The following CTIF variants were observed in gnomAD, a reference collection of about 807,000 sequenced individuals.
The protein encoded by CTIF is CBP80/20-dependent translation initiation factor.
CTIF carries 21 observed loss-of-function variants against 66.0 expected under a neutral mutation model. That is an observed-to-expected ratio of 0.32 (90% confidence interval 0.23 to 0.46). CTIF has a LOEUF of 0.46. CTIF is among the 20% of genes least tolerant of loss of function. The pLI is 1.00. For missense variants in CTIF, 739 were observed against 812.7 expected (o/e 0.91, Z 1.10); for synonymous variants, 345 against 326.4 (o/e 1.06, Z -0.62).
intron 7 of CTIF, among the ~76,000 whole-genome samples, chr18:48,716,096 G>A (rs889532473): frequency 1.3e-5 from 2 of 152,016 alleles, no homozygotes; most frequent in African/African-American, 2.4e-5. Context: ...GCAGTGCCCC[G>A]CTCCTGAATG....
chr18:48,853,501 TG>T lies in CTIF; in HGVS notation c.1528-4084del, dbSNP rs1484164243. 3.3e-5 allele frequency among the ~76,000 whole-genome samples: 5 copies of T among 152,310 alleles called. No individual in the cohort carries two copies. The East Asian group carries it at 9.7e-4, about 29-fold the overall frequency. On this transcript the variant is annotated intron_variant, in intron 10 of 11. Transcript: ENST00000256413. ...GTGCAGCCCATACTGTTCCCTCCCC[TG>T]GGTTGACCGTTGCTCTCCACCTGCT...
intron 10 of CTIF, among the ~76,000 whole-genome samples, chr18:48,856,621 C>T (rs903604102): frequency 2.7e-4 from 41 of 152,176 alleles, no homozygotes; most frequent in African/African-American, 9.9e-4. Flanking sequence ...CATGAATGAA[C>T]CCTGAAAACA....
intron 9 of CTIF, among the ~76,000 whole-genome samples, chr18:48,774,238 G>T (rs1435982255): frequency 1.3e-5 from 2 of 152,136 alleles, no homozygotes; most frequent in East Asian, 3.8e-4. Flanking sequence ...CCCTCTCTGG[G>T]CCCCTCTGTC....
intron 7 of CTIF, among the ~76,000 whole-genome samples, chr18:48,757,161 CATTA>C (rs1287252452): frequency 6.6e-6 from 1 of 152,086 alleles, no homozygotes; most frequent in Non-Finnish European, 1.5e-5. Flanking sequence ...GTTATAAGGC[CATTA>C]GTCAGTTCAG....
intron 1 of CTIF, among the ~76,000 whole-genome samples, chr18:48,591,610 T>C (rs777482265): frequency 1.7e-4 from 26 of 152,236 alleles, no homozygotes; most frequent in Non-Finnish European, 3.4e-4. Context: ...ATCATTGTGG[T>C]GCGCATTTCC....
intron 7 of CTIF, among the ~76,000 whole-genome samples, chr18:48,757,382 G>C (rs777074908): frequency 2.6e-5 from 4 of 151,158 alleles, no homozygotes; most frequent in Non-Finnish European, 5.9e-5. Flanking sequence ...GGGTGAAAAT[G>C]ACAATGTTCC....
intron 6 of CTIF, among the ~76,000 whole-genome samples, chr18:48,709,791 A>G (rs1168268966): frequency 6.6e-6 from 1 of 152,252 alleles, no homozygotes; most frequent in Non-Finnish European, 1.5e-5. Flanking sequence ...TGAGAAAACC[A>G]TTAAACAAAG....
chr18:48,667,539 T>G (rs141860626), intron 5 of CTIF, among the ~76,000 whole-genome samples: 36 of 152,230 alleles, frequency 2.4e-4, no homozygotes, highest in Non-Finnish European at 4.1e-4. Flanking sequence ...GGGGCCTGCA[T>G]GTTGAAGGCA....
intron 2 of CTIF, among the ~76,000 whole-genome samples, chr18:48,635,256 G>A (rs964904115): frequency 6.6e-6 from 1 of 151,406 alleles, no homozygotes; most frequent in African/African-American, 2.4e-5. Flanking sequence ...CTCTGACCAT[G>A]TCATCAAACA....
chr18:48,858,919 C>T (rs190216233), intron 11 of CTIF, among the ~76,000 whole-genome samples: 1 of 152,284 alleles, frequency 6.6e-6, no homozygotes, highest in Non-Finnish European at 1.5e-5. Flanking sequence ...TGACTAAGCT[C>T]ATTGCCAGAG....
chr18:48,757,151 G>A (rs555496230), intron 7 of CTIF, among the ~76,000 whole-genome samples: 1 of 152,238 alleles, frequency 6.6e-6, no homozygotes, highest in Admixed American at 6.5e-5. Flanking sequence ...GGTTCCTCTT[G>A]TTATAAGGCC....
Position 48,663,721 on chromosome 18 carries a change from A to G in CTIF, c.253-31A>G, listed in dbSNP as rs750889472. 2.5e-6 allele frequency: 4 copies of G among 1,603,352 alleles called. No individual in the cohort carries two copies. In the South Asian group the frequency reaches 4.4e-5, roughly 18 times the overall value. On this transcript the variant is annotated intron_variant, in intron 3 of 11. Transcript: ENST00000256413. ...TCTCAGCATCCTGGCCGAGCAATTAATGTCAGCCCTTTCACCCCCATCTCT... is the reference window on the plus strand; with the variant it reads ...TCTCAGCATCCTGGCCGAGCAATTAGTGTCAGCCCTTTCACCCCCATCTCT...
At chr18:48,713,920 G>A (rs543483226) in intron 7 of CTIF, among the ~76,000 whole-genome samples, 1 of 152,310 alleles carries the variant, frequency 6.6e-6, no homozygotes, top group South Asian at 2.1e-4. Flanking sequence ...TCGTCGGGGC[G>A]CCCCGCTCTA....
intron 1 of CTIF, among the ~76,000 whole-genome samples, chr18:48,607,941 A>G (rs2090233760): frequency 1.3e-5 from 2 of 152,116 alleles, no homozygotes; most frequent in Non-Finnish European, 2.9e-5. Context: ...GACCTGGACT[A>G]TCATGTATTA....
intron 3 of CTIF, among the ~76,000 whole-genome samples, chr18:48,646,292 T>C (rs1474046966): frequency 6.6e-6 from 1 of 152,196 alleles, no homozygotes; most frequent in African/African-American, 2.4e-5. Flanking sequence ...CTGAAGGTGA[T>C]GTACAGATGG....
intron 7 of CTIF, among the ~76,000 whole-genome samples, chr18:48,717,290 C>T (rs977091080): frequency 4.6e-5 from 7 of 151,760 alleles, no homozygotes; most frequent in African/African-American, 7.3e-5. Context: ...CCCAGTTACT[C>T]GGGAGGCTGA....
rs1353383383 is a variant in CTIF at position 48,623,869 on chromosome 18, ATGGATGGC to A, written c.180+4128_180+4135del. Among the ~76,000 whole-genome samples the A allele has an allele frequency of 2.6e-4, 39 of 149,050 alleles. 1 individual carries two copies. The South Asian group carries it at 8.2e-3, about 31-fold the overall frequency. ...GAAGGATGGATGGATGGATGGATGGATGGATGGCTGGCTGGCTGGATGGATGGATAGAC... is the reference window on the plus strand; with the variant it reads ...GAAGGATGGATGGATGGATGGATGGATGGCTGGCTGGATGGATGGATAGAC... On this transcript the variant is annotated intron_variant, in intron 2 of 11. Coordinates refer to ENST00000256413, the MANE Select transcript of CTIF (RefSeq NM_014772.3).
At chr18:48,561,443 A>T (rs577426841) in intron 1 of CTIF, among the ~76,000 whole-genome samples, 9 of 152,198 alleles carry the variant, frequency 5.9e-5, no homozygotes, top group South Asian at 2.1e-4. Flanking sequence ...TGAGACTGGG[A>T]AGTGCAGGCT....
intron 2 of CTIF, among the ~76,000 whole-genome samples, chr18:48,635,821 A>G (rs900296035): frequency 6.6e-6 from 1 of 152,214 alleles, no homozygotes; most frequent in African/African-American, 2.4e-5. Flanking sequence ...CTTTCATCCC[A>G]GCCTCCCAGC....
Sources: allele counts gnomAD v4.1 joint callset (sites outside exome capture counted in the v4.1 genomes callset), GRCh38; gene constraint gnomAD v4.1.1; transcripts MANE v1.5; gene names NCBI Gene and HGNC (gene_info 2026-07-23, HGNC 2026-07-21).